Variants in PCDHA9 observed in about 807,000 individuals in gnomAD.
The protein encoded by PCDHA9 is protocadherin alpha-9.
In PCDHA9, 62 loss-of-function variants were observed where a neutral mutation model predicts 62.0. The ratio of observed to expected loss-of-function variants is 1.00; its 90% CI spans 0.81 to 1.23. The LOEUF is 1.23. PCDHA9 is among the 50% of genes most tolerant of loss of function. The pLI is 0.00. For synonymous variants in PCDHA9, 557 were observed against 567.6 expected, an observed-to-expected ratio of 0.98 and a Z score of 0.27; for missense variants, 1,205 against 1,249.8, an observed-to-expected ratio of 0.96 and a Z score of 0.54.
At chr5:140,906,719 T>C (rs1282384270) in intron 1 of PCDHA9, among the ~76,000 whole-genome samples, 1 of 152,218 alleles carries the variant, frequency 6.6e-6, no homozygotes, top group East Asian at 1.9e-4. Flanking sequence ...GCCTGGATTG[T>C]GCTGTTGTAG....
At chr5:140,905,251 A>G (rs1382207700) in intron 1 of PCDHA9, among the ~76,000 whole-genome samples, 4 of 152,174 alleles carry the variant, frequency 2.6e-5, no homozygotes, top group East Asian at 1.9e-4. Context: ...ATTCTTCCAC[A>G]TGAGGCTTGG....
intron 1 of PCDHA9, among the ~76,000 whole-genome samples, chr5:140,947,079 C>T (rs2094082344): frequency 6.6e-6 from 1 of 151,398 alleles, no homozygotes; most frequent in Non-Finnish European, 1.5e-5. Context: ...TGTATTGAAA[C>T]ATCAGACTGT....
At chr5:140,992,949 T>G (rs1554253294) in intron 3 of PCDHA9, among the ~76,000 whole-genome samples, 1 of 152,162 alleles carries the variant, frequency 6.6e-6, no homozygotes, top group Admixed American at 6.5e-5. Context: ...GGAGATTAAA[T>G]CACCCCTTAT....
intron 1 of PCDHA9, among the ~76,000 whole-genome samples, chr5:140,964,454 T>G (rs1392277569): frequency 6.6e-6 from 1 of 152,132 alleles, no homozygotes. Flanking sequence ...CTGTAATCTC[T>G]TCCTTAAGTG....
chr5:140,981,959 A>C (rs76200785), intron 2 of PCDHA9, among the ~76,000 whole-genome samples: 3,104 of 152,312 alleles, frequency 0.02, 114 homozygotes, highest in African/African-American at 0.071. Flanking sequence ...TCATCTATGC[A>C]TAAAAGATAT....
intron 1 of PCDHA9, chr5:140,857,678 C>G (rs1554150504): frequency 1.3e-6 from 2 of 1,597,010 alleles, no homozygotes; most frequent in African/African-American, 1.3e-5. Flanking sequence ...CGTGCCGCCT[C>G]TGGGCAGCAA....
At chr5:140,927,748 G>T (rs782605586) in intron 1 of PCDHA9, 3 of 1,614,206 alleles carry the variant, frequency 1.9e-6, no homozygotes, top group Admixed American at 1.7e-5. Flanking sequence ...CCGCTTTCAC[G>T]TGCACCCTAA....
At chr5:140,967,627 C>G (rs1218869340) in intron 1 of PCDHA9, 16 of 1,614,040 alleles carry the variant, frequency 9.9e-6, no homozygotes, top group Non-Finnish European at 1.3e-5. Context: ...CGGATGAGGG[C>G]TCCAATGGTG....
At chr5:140,953,331 A>G (rs2153698892) in intron 1 of PCDHA9, among the ~76,000 whole-genome samples, 1 of 152,248 alleles carries the variant, frequency 6.6e-6, no homozygotes, top group South Asian at 2.1e-4. Flanking sequence ...CATAGAATTT[A>G]GGGCTCACCT....
chr5:140,850,459 G>A lies in PCDHA9; in HGVS notation c.1964G>A (p.Gly655Glu), dbSNP rs2150485191. Reference protein sequence around the residue: ...QRLLVLVKDHGEPALTATATV... With the variant: ...QRLLVLVKDHEEPALTATATV... The stretch of plus-strand genomic sequence containing the variant: ...CTACTGGTGCTGGTGAAAGACCACG[G>A]GGAGCCAGCGCTGACGGCCACGGCC... Residue 655 changes from glycine (G) to glutamate (E), a missense_variant, in exon 1 of 4, where the codon GGG becomes GAG. By Grantham distance (98) the Gly-to-Glu change is moderately conservative (BLOSUM62 -2). Around this residue, in one of 3 missense-constraint regions of PCDHA9, gnomAD observed 887 missense variants for 809.5 expected, o/e 1.10. Transcript: ENST00000532602. The A allele has an allele frequency of 1.3e-6, 2 of 1,598,012 alleles. No homozygotes were observed. The highest frequency in any genetic ancestry group is 2.2e-5 in the South Asian group (2 of 90,504).
At chr5:140,898,543 A>G (rs1284006764) in intron 1 of PCDHA9, among the ~76,000 whole-genome samples, 2 of 152,224 alleles carry the variant, frequency 1.3e-5, no homozygotes, top group East Asian at 3.9e-4. Flanking sequence ...TGTTCCATTT[A>G]TCTATGTCTC....
At chr5:141,009,577 C>T in intron 3 of PCDHA9, 50 bp from the exon 4 acceptor site, 1 of 1,584,324 alleles carries the variant, frequency 6.3e-7, no homozygotes, top group South Asian at 1.2e-5. Flanking sequence ...AGTGTGGCAT[C>T]AAGAGCATGT....
chr5:140,870,005 T>A lies in PCDHA9; in HGVS notation c.2394+19116T>A, dbSNP rs1006397532. 1 of 1,612,940 alleles carries A rather than the reference T, an allele frequency of 6.2e-7. No individual in the cohort carries two copies. The highest frequency in any genetic ancestry group is 1.7e-5 in the Admixed American group (1 of 59,888). The stretch of plus-strand genomic sequence containing the variant: ...ACACTAGATCAAAATAATGGAGAAG[T>A]GAGGGTCAATGGAACTTTAGATTAT... On this transcript the variant is annotated intron_variant, in intron 1 of 3. Coordinates refer to ENST00000532602, the MANE Select transcript of PCDHA9 (RefSeq NM_031857.2).
intron 1 of PCDHA9, among the ~76,000 whole-genome samples, chr5:140,953,120 C>T (rs2094851215): frequency 6.6e-6 from 1 of 152,154 alleles, no homozygotes; most frequent in South Asian, 2.1e-4. Context: ...GGACACAGAT[C>T]TAAACCGTAT....
At chr5:140,908,180 T>C (rs2073846080) in intron 1 of PCDHA9, among the ~76,000 whole-genome samples, 2 of 152,298 alleles carry the variant, frequency 1.3e-5, no homozygotes, top group East Asian at 3.9e-4. Context: ...AGCTGTCCAC[T>C]TTCAGGTGGT....
chr5:140,991,227 A>G (rs1172819040), intron 3 of PCDHA9, among the ~76,000 whole-genome samples: 2 of 152,224 alleles, frequency 1.3e-5, no homozygotes, highest in African/African-American at 4.8e-5. Flanking sequence ...TCATTAATAA[A>G]TGCAGTGGTA....
rs149265547 is a variant in PCDHA9 at position 140,927,771 on chromosome 5, G to T, written c.2395-51178G>T. On this transcript the variant is annotated intron_variant, in intron 1 of 3. Coordinates refer to ENST00000532602, the MANE Select transcript of PCDHA9 (RefSeq NM_031857.2). Reference sequence around the variant, plus strand: ...ACGTGCACCCTAAAAGTGGGGAGGTGCAAGTAGCTGCTTCACTAGGTCCGC... The same window carrying T: ...ACGTGCACCCTAAAAGTGGGGAGGTTCAAGTAGCTGCTTCACTAGGTCCGC... The T allele has an allele frequency of 4.2e-4, 677 of 1,614,210 alleles. 4 individuals carry two copies. In the African/African-American group the frequency reaches 7.5e-3, roughly 18 times the overall value.
intron 1 of PCDHA9, chr5:140,966,615 G>C (rs1423136904): frequency 3.9e-6 from 3 of 773,600 alleles, no homozygotes; most frequent in Non-Finnish European, 5.6e-6. Flanking sequence ...GAGGGCCTAC[G>C]GAGGGAGCGG....
At chr5:140,853,805 C>A in intron 1 of PCDHA9, 1 of 986,730 alleles carries the variant, frequency 1.0e-6, no homozygotes, top group Non-Finnish European at 1.2e-6. Flanking sequence ...TTTTAAAGCA[C>A]ACCTGAGATG....
Sources: gnomAD v4.1 joint callset for allele counts (sites outside exome capture counted in the v4.1 genomes callset) on GRCh38, gnomAD v4.1.1 for gene constraint, gnomAD v4.1.1 regional missense constraint, MANE v1.5 for transcripts, NCBI Gene and HGNC (gene_info 2026-07-23, HGNC 2026-07-21) for gene names.